PRICKLE1: variants seen among roughly 807,000 people sequenced by gnomAD.
PRICKLE1 encodes the protein prickle-like protein 1.
Under a neutral mutation model 70.2 loss-of-function variants are expected in PRICKLE1, and 14 were observed. That is an observed-to-expected ratio of 0.20 (90% CI 0.13 to 0.31). PRICKLE1 has a LOEUF of 0.31. Ranked by LOEUF, PRICKLE1 falls within the 10% of genes least tolerant of loss-of-function variation. PRICKLE1 has a pLI of 1.00. For missense variants in PRICKLE1, 821 were observed against 1,026.2 expected, an observed-to-expected ratio of 0.80 and a Z score of 2.73; for synonymous variants, 357 against 379.9, an observed-to-expected ratio of 0.94 and a Z score of 0.70.
At chr12:42,471,945 T>C (rs1457775061) in intron 2 of PRICKLE1, among the ~76,000 whole-genome samples, 1 of 152,168 alleles carries the variant, frequency 6.6e-6, no homozygotes, top group Non-Finnish European at 1.5e-5. Context: ...CTTCAGAGGG[T>C]TTCTGATAGC....
At chr12:42,493,891 GA>G (rs1939149427) in intron 1 of PRICKLE1, among the ~76,000 whole-genome samples, 1 of 151,088 alleles carries the variant, frequency 6.6e-6, no homozygotes, top group Non-Finnish European at 1.5e-5. Flanking sequence ...GAAAAAAAGA[GA>G]ACGAAAGAAA....
chr12:42,506,537 G>A lies in PRICKLE1; in HGVS notation c.-48-33973C>T, dbSNP rs140108406. 6.2e-5 allele frequency among the ~76,000 whole-genome samples: 9 copies of A among 144,476 alleles called. No individual in the cohort carries two copies. In the East Asian group the frequency reaches 1.6e-3, roughly 26 times the overall value. The allele number at this position is 144,476 out of a possible 152,430, so 94.8% of individuals were successfully genotyped here. On this transcript the variant is annotated intron_variant, in intron 1 of 7. Coordinates refer to ENST00000345127, the MANE Select transcript of PRICKLE1 (RefSeq NM_153026.3). Reference sequence around the variant, plus strand: ...CTCCCAAAGTGTTGGGATTACAGACGTGAGCCACCGCGCCCAGCTCAATAG... The same window carrying A: ...CTCCCAAAGTGTTGGGATTACAGACATGAGCCACCGCGCCCAGCTCAATAG...
At chr12:42,549,796 C>T (rs1180184008) in intron 1 of PRICKLE1, among the ~76,000 whole-genome samples, 2 of 152,188 alleles carry the variant, frequency 1.3e-5, no homozygotes, top group African/African-American at 2.4e-5. Flanking sequence ...ATTATCTGGC[C>T]CCAGCCTATC....
intron 1 of PRICKLE1, among the ~76,000 whole-genome samples, chr12:42,532,934 T>C (rs2120555702): frequency 6.6e-6 from 1 of 152,182 alleles, no homozygotes; most frequent in East Asian, 1.9e-4. Context: ...TCTGGTGTGT[T>C]TTTTGCACTT....
intron 1 of PRICKLE1, among the ~76,000 whole-genome samples, chr12:42,494,196 C>G (rs7970931): frequency 1.4e-4 from 21 of 152,016 alleles, no homozygotes; most frequent in African/African-American, 4.6e-4. Context: ...GTGGCTGTTG[C>G]GTGATCAGGA....
chr12:42,460,729 G>A lies in PRICKLE1; in HGVS notation c.1640-64C>T, dbSNP rs1937797135. ...TCCTAATATTCGACAGTACTTAAAA[G>A]TAAGCTACTGAAAGGAAATATTTCA... On this transcript the variant is annotated intron_variant, in intron 7 of 7. Coordinates refer to ENST00000345127, the MANE Select transcript of PRICKLE1 (RefSeq NM_153026.3). 2.6e-5 allele frequency: 40 copies of A among 1,558,600 alleles called. No homozygotes were observed. The South Asian group carries it at 4.3e-4, about 17-fold the overall frequency.
At chr12:42,478,807 C>T (rs1304617340) in intron 1 of PRICKLE1, among the ~76,000 whole-genome samples, 1 of 151,770 alleles carries the variant, frequency 6.6e-6, no homozygotes, top group African/African-American at 2.4e-5. Flanking sequence ...CATTTCCCTC[C>T]TTTGTCCTTT....
intron 1 of PRICKLE1, among the ~76,000 whole-genome samples, chr12:42,561,094 TAG>T (rs1442034472): frequency 6.6e-6 from 1 of 152,132 alleles, no homozygotes; most frequent in Non-Finnish European, 1.5e-5. Context: ...GGAAGTGACT[TAG>T]AGGTTAGACT....
In PRICKLE1 at chr12:42,459,476, C is replaced by A; in HGVS notation, c.*333G>T. On this transcript the variant is annotated 3_prime_UTR_variant, in exon 8 of 8. Transcript: ENST00000345127. ...CTTTACAAAGGTGGCTGGAGTTCTCCATCTTCTAAAATCAACATCCAATCC... is the reference window on the plus strand; with the variant it reads ...CTTTACAAAGGTGGCTGGAGTTCTCAATCTTCTAAAATCAACATCCAATCC... 1 of 660,624 alleles carries A rather than the reference C, an allele frequency of 1.5e-6. No homozygotes were observed. The highest frequency in any genetic ancestry group is 2.7e-6 in the Non-Finnish European group (1 of 366,098). 40.9% of individuals were successfully genotyped at this position (660,624 alleles called of 1,614,324 possible).
chr12:42,561,556 C>A (rs568365896), intron 1 of PRICKLE1, among the ~76,000 whole-genome samples: 1 of 152,172 alleles, frequency 6.6e-6, no homozygotes, highest in African/African-American at 2.4e-5. Context: ...TAAACTAATT[C>A]TGTTCAAATT....
At chr12:42,541,087 T>C (rs376519236) in intron 1 of PRICKLE1, among the ~76,000 whole-genome samples, 1 of 152,168 alleles carries the variant, frequency 6.6e-6, no homozygotes, top group Non-Finnish European at 1.5e-5. Flanking sequence ...GAAGTACAAT[T>C]TCAAGAAATA....
intron 1 of PRICKLE1, among the ~76,000 whole-genome samples, chr12:42,476,459 G>A (rs1432521023): frequency 6.6e-6 from 1 of 151,872 alleles, no homozygotes; most frequent in African/African-American, 2.4e-5. Context: ...TGGGATTACA[G>A]GCGTGAGCCA....
intron 1 of PRICKLE1, among the ~76,000 whole-genome samples, chr12:42,547,477 C>T (rs1166049728): frequency 6.6e-6 from 1 of 152,162 alleles, no homozygotes; most frequent in Non-Finnish European, 1.5e-5. Context: ...TGGAGCTGAA[C>T]CCAGCAGGGT....
At chr12:42,461,948 G>A (rs555223753) in intron 7 of PRICKLE1, among the ~76,000 whole-genome samples, 33 of 151,820 alleles carry the variant, frequency 2.2e-4, no homozygotes, top group Non-Finnish European at 3.2e-4. Context: ...ACAGGCATGC[G>A]CCACCACGCC....
chr12:42,557,302 C>T (rs750963037), intron 1 of PRICKLE1, among the ~76,000 whole-genome samples: 1 of 152,066 alleles, frequency 6.6e-6, no homozygotes, highest in Admixed American at 6.6e-5. Context: ...AGTGCCTGGA[C>T]GGAGAAGCAA....
chr12:42,545,849 C>T lies in PRICKLE1; in HGVS notation c.-49+43616G>A, dbSNP rs1396522062. Reference sequence around the variant, plus strand: ...TGGGTGACAGAGCAAGACTCCGTCTCAAAAAAGAAAAAAAAAAAATATATA... The same window carrying T: ...TGGGTGACAGAGCAAGACTCCGTCTTAAAAAAGAAAAAAAAAAAATATATA... On this transcript the variant is annotated intron_variant, in intron 1 of 7. Transcript: ENST00000345127. Among the ~76,000 whole-genome samples, 4 of 110,206 alleles carry T rather than the reference C, an allele frequency of 3.6e-5. No homozygotes were observed. In the East Asian group the frequency reaches 1.0e-3, roughly 29 times the overall value. The allele number at this position is 110,206 out of a possible 152,430, so 72.3% of individuals were successfully genotyped here. A position where few individuals can be genotyped will look rare whatever the true frequency, so the allele number is the denominator to read the frequency against.
intron 1 of PRICKLE1, among the ~76,000 whole-genome samples, chr12:42,584,804 A>T (rs1336112018): frequency 1.3e-5 from 2 of 152,248 alleles, no homozygotes; most frequent in Non-Finnish European, 2.9e-5. Context: ...GCAGCTGAGC[A>T]AGAGTGCTCG....
At chr12:42,562,410 G>GA (rs1362747631) in intron 1 of PRICKLE1, among the ~76,000 whole-genome samples, 1 of 152,104 alleles carries the variant, frequency 6.6e-6, no homozygotes, top group Non-Finnish European at 1.5e-5. Context: ...TAAAAAGGCA[G>GA]AGTTAAAATA....
In PRICKLE1 at chr12:42,457,661, T is replaced by A. The variant is rs1005651778; in HGVS notation, c.*2148A>T. On this transcript the variant is annotated 3_prime_UTR_variant, in exon 8 of 8. Coordinates refer to ENST00000345127, the MANE Select transcript of PRICKLE1 (RefSeq NM_153026.3). ...TAATGTATGAGGAAAGTCAACTCCA[T>A]CATTAGGAGTAGGCTATTAAGCAGT... 1 of 152,196 alleles carries A rather than the reference T, an allele frequency of 6.6e-6. No homozygotes were observed. The highest frequency in any genetic ancestry group is 1.5e-5 in the Non-Finnish European group (1 of 68,046). 9.4% of individuals were successfully genotyped at this position (152,196 alleles called of 1,614,324 possible).
Sources: gnomAD v4.1 joint callset for allele counts (sites outside exome capture counted in the v4.1 genomes callset) on GRCh38, gnomAD v4.1.1 for gene constraint, MANE v1.5 for transcripts, NCBI Gene and HGNC (gene_info 2026-07-23, HGNC 2026-07-21) for gene names.